Variants in CNTN5 observed in about 807,000 individuals in gnomAD.
CNTN5 encodes contactin-5.
In CNTN5, 77 loss-of-function variants were observed where a neutral mutation model predicts 129.1. The ratio of observed to expected loss-of-function variants is 0.60; its 90% CI spans 0.50 to 0.72. The LOEUF is 0.72. CNTN5 is among the 30% of genes least tolerant of loss of function. CNTN5 has a pLI of 0.00. For missense variants in CNTN5, 1,478 were observed against 1,328.8 expected, an observed-to-expected ratio of 1.11 and a Z score of -1.75; for synonymous variants, 509 against 465.6, an observed-to-expected ratio of 1.09 and a Z score of -1.20.
At chr11:99,060,713 A>G (rs1864839058) in intron 1 of CNTN5, among the ~76,000 whole-genome samples, 1 of 152,138 alleles carries the variant, frequency 6.6e-6, no homozygotes, top group Non-Finnish European at 1.5e-5. Context: ...GAATTTGAAT[A>G]TTTTATTGTT....
At chr11:100,091,424 C>CTTTT (rs60075209) in intron 13 of CNTN5, among the ~76,000 whole-genome samples, 24 of 114,426 alleles carry the variant, frequency 2.1e-4, no homozygotes, top group African/African-American at 2.9e-4. Context: ...TTTATTTATT[C>CTTTT]TTTTTTTTTT....
chr11:100,192,149 A>G (rs1468488560), intron 14 of CNTN5, among the ~76,000 whole-genome samples: 1 of 151,954 alleles, frequency 6.6e-6, no homozygotes, highest in Non-Finnish European at 1.5e-5. Flanking sequence ...GCATTACTGG[A>G]CTCAAACGCA....
chr11:99,137,593 T>A (rs544771142), intron 1 of CNTN5, among the ~76,000 whole-genome samples: 2 of 152,290 alleles, frequency 1.3e-5, no homozygotes, highest in Admixed American at 1.3e-4. Flanking sequence ...TTGCCTGTTT[T>A]AAAAATTATC....
chr11:99,318,363 G>T (rs907179153), intron 1 of CNTN5, among the ~76,000 whole-genome samples: 2 of 151,980 alleles, frequency 1.3e-5, no homozygotes, highest in Non-Finnish European at 2.9e-5. Context: ...TCCCAATCCT[G>T]GGGTTCTTTC....
At chr11:99,451,178 T>A (rs1944288537) in intron 2 of CNTN5, among the ~76,000 whole-genome samples, 1 of 152,118 alleles carries the variant, frequency 6.6e-6, no homozygotes, top group Non-Finnish European at 1.5e-5. Flanking sequence ...TGGAAAATTT[T>A]AAAATTAGGT....
At chr11:99,882,007 A>G (rs960351348) in intron 6 of CNTN5, among the ~76,000 whole-genome samples, 8 of 152,190 alleles carry the variant, frequency 5.3e-5, no homozygotes, top group African/African-American at 1.4e-4. Context: ...GAAGCCTGAC[A>G]GATAAGCTCA....
At chr11:99,547,211 G>A (rs531505090) in intron 2 of CNTN5, among the ~76,000 whole-genome samples, 3 of 152,040 alleles carry the variant, frequency 2.0e-5, no homozygotes, top group Non-Finnish European at 4.4e-5. Context: ...CTCCATGTCG[G>A]TCAGGCTAGT....
chr11:99,041,196 G>A (rs959393661), intron 1 of CNTN5, among the ~76,000 whole-genome samples: 8 of 151,924 alleles, frequency 5.3e-5, no homozygotes, highest in African/African-American at 1.9e-4. Context: ...TTTAAAATTT[G>A]CCTGTAACAT....
chr11:99,863,816 G>A (rs902830308), intron 6 of CNTN5, among the ~76,000 whole-genome samples: 6 of 152,104 alleles, frequency 3.9e-5, no homozygotes, highest in African/African-American at 1.4e-4. Context: ...AGCTTTAATT[G>A]CAATTCAAAT....
rs187813577 is a variant in CNTN5 at position 99,447,506 on chromosome 11, A to G, written c.-70-108639A>G. Among the ~76,000 whole-genome samples the G allele has an allele frequency of 9.8e-4, 149 of 152,346 alleles. 2 individuals are homozygous for G. The highest frequency in any genetic ancestry group is 7.7e-3 in the Admixed American group (118 of 15,302). ...CTTCTAGATTTACTACTTAACAGCCATACAACTTAATGAAGTTATAAAAAT... is the reference window on the plus strand; with the variant it reads ...CTTCTAGATTTACTACTTAACAGCCGTACAACTTAATGAAGTTATAAAAAT... On this transcript the variant is annotated intron_variant, in intron 2 of 24. Coordinates refer to ENST00000524871, the MANE Select transcript of CNTN5 (RefSeq NM_014361.4).
intron 3 of CNTN5, among the ~76,000 whole-genome samples, chr11:99,740,556 G>A (rs1014871507): frequency 2.0e-5 from 3 of 152,152 alleles, no homozygotes; most frequent in African/African-American, 7.2e-5. Context: ...TGGCTCCTAG[G>A]GAGATTTGAA....
intron 3 of CNTN5, among the ~76,000 whole-genome samples, chr11:99,739,718 T>TA (rs1943829865): frequency 1.3e-5 from 2 of 152,162 alleles, no homozygotes; most frequent in Non-Finnish European, 2.9e-5. Context: ...TCTTACCAAG[T>TA]CAATTACATG....
chr11:99,153,471 C>A (rs1233029693), intron 1 of CNTN5, among the ~76,000 whole-genome samples: 1 of 148,964 alleles, frequency 6.7e-6, no homozygotes, highest in Non-Finnish European at 1.5e-5. Context: ...AGTGAGTTTT[C>A]AGCTCTATCA....
At chr11:99,077,398 T>C (rs980875990) in intron 1 of CNTN5, among the ~76,000 whole-genome samples, 2 of 152,158 alleles carry the variant, frequency 1.3e-5, no homozygotes, top group African/African-American at 2.4e-5. Context: ...AAATAATTAT[T>C]ATGGCATTAG....
chr11:99,182,666 C>A (rs1858136099), intron 1 of CNTN5, among the ~76,000 whole-genome samples: 1 of 152,116 alleles, frequency 6.6e-6, no homozygotes, highest in Admixed American at 6.5e-5. Flanking sequence ...AATTAGAAAT[C>A]AAAGATAAAA....
chr11:99,872,740 GCATTATATGAGTAACATGTAC>G (rs1330662171), intron 6 of CNTN5, among the ~76,000 whole-genome samples: 2 of 152,012 alleles, frequency 1.3e-5, no homozygotes, highest in African/African-American at 4.8e-5. Context: ...GCACAAGATG[GCATTATATGAGTAACATGTAC>G]CAGTTTCTCA....
chr11:99,999,268 G>T (rs1296715936), intron 8 of CNTN5, among the ~76,000 whole-genome samples: 1 of 152,036 alleles, frequency 6.6e-6, no homozygotes, highest in African/African-American at 2.4e-5. Context: ...CTGACAAAGG[G>T]CTAATATCCA....
At chr11:100,134,698 C>A (rs1946471854) in intron 13 of CNTN5, among the ~76,000 whole-genome samples, 1 of 152,134 alleles carries the variant, frequency 6.6e-6, no homozygotes, top group South Asian at 2.1e-4. Context: ...GATCATCCAT[C>A]AGCCTTAAAG....
intron 2 of CNTN5, among the ~76,000 whole-genome samples, chr11:99,348,099 A>G (rs1262685442): frequency 6.6e-6 from 1 of 152,182 alleles, no homozygotes; most frequent in Non-Finnish European, 1.5e-5. Flanking sequence ...CACTGCTACT[A>G]GCCTATCTTC....
Sources: gnomAD v4.1 joint callset for allele counts (sites outside exome capture counted in the v4.1 genomes callset) on GRCh38, gnomAD v4.1.1 for gene constraint, MANE v1.5 for transcripts, NCBI Gene and HGNC (gene_info 2026-07-23, HGNC 2026-07-21) for gene names.